Variants in GPCPD1 observed in about 807,000 individuals in gnomAD.
GPCPD1 encodes the protein glycerophosphocholine phosphodiesterase 1, also known as glycerophosphocholine phosphodiesterase GPCPD1.
In GPCPD1, 29 loss-of-function variants were observed where a neutral mutation model predicts 89.2. The observed-to-expected ratio is 0.33, with a 90% CI of 0.24 to 0.44. The LOEUF (loss-of-function observed/expected upper bound fraction) is 0.44. Ranked by LOEUF, GPCPD1 falls within the 20% of genes least tolerant of loss-of-function variation. GPCPD1 has a pLI of 1.00. For synonymous variants in GPCPD1, 258 were observed against 266.3 expected, an observed-to-expected ratio of 0.97 and a Z score of 0.30; for missense variants, 594 against 808.9, an observed-to-expected ratio of 0.73 and a Z score of 3.22.
At chr20:5,571,999 G>A (rs944944427) in intron 11 of GPCPD1, among the ~76,000 whole-genome samples, 2 of 151,908 alleles carry the variant, frequency 1.3e-5, no homozygotes, top group African/African-American at 2.4e-5. Flanking sequence ...TGAGGGGATC[G>A]CTTGAGCCCA....
chr20:5,580,163 T>C, intron 6 of GPCPD1, 32 bp from the exon 7 acceptor site: 2 of 1,217,310 alleles, frequency 1.6e-6, no homozygotes, highest in Non-Finnish European at 2.4e-6. Context: ...ACAGTAATTA[T>C]TATACATGTT....
intron 2 of GPCPD1, among the ~76,000 whole-genome samples, chr20:5,600,873 G>GC (rs1256726057): frequency 6.6e-6 from 1 of 151,090 alleles, no homozygotes; most frequent in Non-Finnish European, 1.5e-5. Flanking sequence ...ACCTGTAATC[G>GC]CAACTACTCA....
intron 19 of GPCPD1, chr20:5,549,166 G>A: frequency 3.0e-6 from 2 of 657,344 alleles, no homozygotes; most frequent in Non-Finnish European, 5.7e-6. Context: ...GAGGATGATG[G>A]CTAATTTACA....
chr20:5,552,145 T>C (rs1248093664), intron 19 of GPCPD1, among the ~76,000 whole-genome samples: 2 of 151,886 alleles, frequency 1.3e-5, no homozygotes, highest in African/African-American at 4.8e-5. Context: ...TTTAAAACTA[T>C]ATACACATGC....
In GPCPD1 at chr20:5,593,378, T is replaced by G; in HGVS notation, c.180A>C (p.Arg60Ser). The G allele has an allele frequency of 6.3e-7, 1 of 1,597,866 alleles. No homozygotes were observed. The highest frequency in any genetic ancestry group is 8.6e-7 in the Non-Finnish European group (1 of 1,165,668). The change falls in exon 4 of 20, where the codon AGA becomes AGC. Residue 60 changes from arginine to serine, a missense_variant. By Grantham distance (110) the Arg-to-Ser change is moderately radical. Transcript: ENST00000379019. ...MLWKATIVLS[R>S]GVSVQYRYFK... ...AGTAGCGATACTGAACTGATACTCC[T>G]CTACTGAGTACAATGGTTGCTTTCC... is the stretch of plus-strand genomic sequence containing the variant.
intron 4 of GPCPD1, 83 bp downstream of exon 4, chr20:5,593,244 T>G (rs1473239419): frequency 2.7e-5 from 20 of 736,162 alleles, no homozygotes; most frequent in Non-Finnish European, 4.1e-5. Context: ...CAAATGCATT[T>G]TACTTTGAAC....
intron 3 of GPCPD1, among the ~76,000 whole-genome samples, chr20:5,595,116 A>G (rs1233149496): frequency 6.6e-6 from 1 of 152,206 alleles, no homozygotes; most frequent in Non-Finnish European, 1.5e-5. Flanking sequence ...TCCACCAGCA[A>G]AAAGATTGCA....
At chr20:5,548,088 T>C (rs1985134644) in intron 19 of GPCPD1, among the ~76,000 whole-genome samples, 1 of 152,210 alleles carries the variant, frequency 6.6e-6, no homozygotes, top group South Asian at 2.1e-4. Flanking sequence ...CCCGATGCAA[T>C]GGAGCTCAAC....
chr20:5,557,929 C>T lies in GPCPD1; in HGVS notation c.1829+16G>A. ...ACTTCTAAATTCCATGAAAATTTTT[C>T]ATGAAAAACAAATACCTATCATAAA... is the stretch of plus-strand genomic sequence containing the variant. On this transcript the variant is annotated intron_variant, in intron 19 of 19. Coordinates refer to ENST00000379019, the MANE Select transcript of GPCPD1 (RefSeq NM_019593.5). 1 of 1,410,404 alleles carries T rather than the reference C, an allele frequency of 7.1e-7. No individual in the cohort carries two copies. The highest frequency in any genetic ancestry group is 9.8e-7 in the Non-Finnish European group (1 of 1,020,104). The allele number at this position is 1,410,404 out of a possible 1,614,324, so 87.4% of individuals were successfully genotyped here.
In GPCPD1 at chr20:5,556,629, C is replaced by G. The variant is rs1036499218; in HGVS notation, c.1829+1316G>C. On this transcript the variant is annotated intron_variant, in intron 19 of 19. Transcript: ENST00000379019. ...ATGAGCAAGTCTGCTAATCCCTCAG[C>G]AGAGTAAATGACATCCCTTCTAACC... Among the ~76,000 whole-genome samples the G allele has an allele frequency of 2.0e-5, 3 of 152,184 alleles. No homozygotes were observed. The South Asian group carries it at 6.2e-4, about 32-fold the overall frequency.
At chr20:5,610,269 A>G (rs76101426) in intron 1 of GPCPD1, among the ~76,000 whole-genome samples, 205 of 152,258 alleles carry the variant, frequency 1.3e-3, no homozygotes, top group South Asian at 2.1e-3. Context: ...TATCGAGGGC[A>G]CTCATGACTA....
chr20:5,568,855 C>T (rs1013943979), intron 12 of GPCPD1, among the ~76,000 whole-genome samples: 2 of 152,076 alleles, frequency 1.3e-5, no homozygotes. Context: ...GGAGGTTGAG[C>T]CAAGATCACA....
At chr20:5,585,014 G>C (rs1978815786) in intron 5 of GPCPD1, 1 of 152,134 alleles carries the variant, frequency 6.6e-6, no homozygotes, top group Non-Finnish European at 1.5e-5. Context: ...ACAGTTCCTA[G>C]TAAAGATTCT....
At position 5,546,734 on chromosome 20, in the gene GPCPD1, A is replaced by C. The variant is rs1198143398; in HGVS notation, c.*927T>G. On this transcript the variant is annotated 3_prime_UTR_variant, in exon 20 of 20. Coordinates refer to ENST00000379019, the MANE Select transcript of GPCPD1 (RefSeq NM_019593.5). ...ACAAACCCACAAAGCAACAGTGTGT[A>C]ATAGGTAGTGAGAGACACACAAAAT... is the stretch of plus-strand genomic sequence containing the variant. 6.6e-6 allele frequency: 1 copy of C among 152,652 alleles called. No homozygotes were observed. Among genetic ancestry groups the C allele is most frequent in the Non-Finnish European group, 1.5e-5 (1 of 68,036 alleles). 9.5% of individuals were successfully genotyped at this position (152,652 alleles called of 1,614,324 possible). A position where few individuals can be genotyped will look rare whatever the true frequency, so the allele number is the denominator to read the frequency against.
At chr20:5,589,065 C>T (rs1346343795) in intron 4 of GPCPD1, among the ~76,000 whole-genome samples, 2 of 152,124 alleles carry the variant, frequency 1.3e-5, no homozygotes, top group Non-Finnish European at 2.9e-5. Flanking sequence ...CATCTGCCCA[C>T]TACCCCACTG....
At chr20:5,554,922 A>G (rs1004326079) in intron 19 of GPCPD1, among the ~76,000 whole-genome samples, 1 of 152,232 alleles carries the variant, frequency 6.6e-6, no homozygotes, top group African/African-American at 2.4e-5. Context: ...GAAGAAGCTG[A>G]TATCAATCCT....
intron 2 of GPCPD1, among the ~76,000 whole-genome samples, chr20:5,602,893 GAATC>G (rs1980262290): frequency 6.6e-6 from 1 of 150,674 alleles, no homozygotes. Flanking sequence ...CAAAACAGAA[GAATC>G]GCTTGAATTC....
chr20:5,554,224 T>C lies in GPCPD1; in HGVS notation c.1829+3721A>G, dbSNP rs1400035136. Among the ~76,000 whole-genome samples, 2 of 87,510 alleles carry C rather than the reference T, an allele frequency of 2.3e-5. 1 individual carries two copies. The highest frequency in any genetic ancestry group is 4.7e-5 in the Non-Finnish European group (2 of 42,900). 57.4% of individuals were successfully genotyped at this position (87,510 alleles called of 152,430 possible). On this transcript the variant is annotated intron_variant, in intron 19 of 19. Coordinates refer to ENST00000379019, the MANE Select transcript of GPCPD1 (RefSeq NM_019593.5). ...TGGTCTCCATCTCCTGACCTTGTGA[T>C]CCGCTCACCTCGGCCTCCCAGAGTG...
At chr20:5,569,797 T>C (rs1986603544) in intron 12 of GPCPD1, among the ~76,000 whole-genome samples, 1 of 152,212 alleles carries the variant, frequency 6.6e-6, no homozygotes, top group African/African-American at 2.4e-5. Context: ...TTGAAGAAGC[T>C]TGAAGCAGAA....
Sources: allele counts gnomAD v4.1 joint callset (sites outside exome capture counted in the v4.1 genomes callset), GRCh38; gene constraint gnomAD v4.1.1; transcripts MANE v1.5; gene names NCBI Gene and HGNC (gene_info 2026-07-23, HGNC 2026-07-21).